THAP4: variants seen among roughly 807,000 people sequenced by gnomAD.
The protein encoded by THAP4 is THAP domain containing 4.
In THAP4, 18 loss-of-function variants were observed where a neutral mutation model predicts 48.1. The ratio of observed to expected loss-of-function variants is 0.37; its 90% CI spans 0.26 to 0.56. THAP4 has a LOEUF of 0.56. THAP4 is among the 20% of genes least tolerant of loss of function. The pLI is 0.78. For synonymous variants in THAP4, 345 were observed against 324.9 expected, an observed-to-expected ratio of 1.06 and a Z score of -0.66; for missense variants, 656 against 774.9, an observed-to-expected ratio of 0.85 and a Z score of 1.82.
chr2:241,590,511 G>C (rs1367459341), intron 5 of THAP4, among the ~76,000 whole-genome samples: 1 of 145,042 alleles, frequency 6.9e-6, no homozygotes, highest in Admixed American at 6.9e-5. Flanking sequence ...ATGGGCACTA[G>C]GACACACAGA....
rs778735125 is a variant in THAP4 at position 241,601,848 on chromosome 2, C to G, written c.1614+48G>C. On this transcript the variant is annotated intron_variant, in intron 5 of 5. Coordinates refer to ENST00000407315, the MANE Select transcript of THAP4 (RefSeq NM_015963.6). The surrounding 1 kb of genome is among the most constrained non-coding windows in gnomAD (Gnocchi z 4.0). Reference sequence around the variant, plus strand: ...AGAGGAAGAGGCTGACTCCACAGACCGCTGCAAACAGAAGACAGGAGCGTG... The same window carrying G: ...AGAGGAAGAGGCTGACTCCACAGACGGCTGCAAACAGAAGACAGGAGCGTG... 1.2e-6 allele frequency: 2 copies of G among 1,609,054 alleles called. No individual in the cohort carries two copies. The highest frequency in any genetic ancestry group is 1.7e-6 in the Non-Finnish European group (2 of 1,178,132).
intron 5 of THAP4, among the ~76,000 whole-genome samples, chr2:241,600,763 A>AT (rs963306864): frequency 4.6e-5 from 7 of 151,318 alleles, no homozygotes; most frequent in African/African-American, 1.7e-4. Context: ...ATGAGAGAAT[A>AT]TTTTTATCAT....
rs776075770 is a variant in THAP4 at position 241,637,048 on chromosome 2, C to A, written c.-31G>T. The A allele has an allele frequency of 8.4e-7, 1 of 1,184,926 alleles. No individual in the cohort carries two copies. The highest frequency in any genetic ancestry group is 1.1e-6 in the Non-Finnish European group (1 of 940,740). 73.4% of individuals were successfully genotyped at this position (1,184,926 alleles called of 1,614,324 possible). A position where few individuals can be genotyped will look rare whatever the true frequency, so the allele number is the denominator to read the frequency against. The stretch of plus-strand genomic sequence containing the variant: ...GCCTTGGCCCAGCCGCGCAGCCAGG[C>A]CCCGGCCCTAGCCGCCCGCCCGCCC... On this transcript the variant is annotated 5_prime_UTR_variant, in exon 1 of 6. Transcript: ENST00000407315.
At chr2:241,588,781 A>C (rs2066921366) in intron 5 of THAP4, among the ~76,000 whole-genome samples, 1 of 152,246 alleles carries the variant, frequency 6.6e-6, no homozygotes, top group Admixed American at 6.5e-5. Context: ...TAGCAATTCC[A>C]AATAGCATAT....
chr2:241,622,086 T>A (rs1050000313), intron 2 of THAP4, among the ~76,000 whole-genome samples: 9 of 152,336 alleles, frequency 5.9e-5, no homozygotes, highest in African/African-American at 1.9e-4. Context: ...AAAGACTTAT[T>A]TACGCGGGCG....
intron 2 of THAP4, among the ~76,000 whole-genome samples, chr2:241,632,313 T>C (rs113378967): frequency 6.3e-4 from 96 of 152,258 alleles, no homozygotes; most frequent in African/African-American, 2.2e-3. Context: ...TTGGCCAGGG[T>C]GGTCTCGAAC....
chr2:241,590,199 G>A (rs2066942585), intron 5 of THAP4, among the ~76,000 whole-genome samples: 1 of 142,224 alleles, frequency 7.0e-6, no homozygotes, highest in Non-Finnish European at 1.5e-5. Flanking sequence ...ATGGGCACTA[G>A]GACACACAGA....
chr2:241,605,752 G>A (rs570961749), intron 3 of THAP4, among the ~76,000 whole-genome samples: 1 of 151,322 alleles, frequency 6.6e-6, no homozygotes, highest in East Asian at 1.9e-4. Flanking sequence ...TTCTCACTCT[G>A]TCACCCAGGC....
At chr2:241,590,294 C>T (rs866960845) in intron 5 of THAP4, among the ~76,000 whole-genome samples, 5 of 148,922 alleles carry the variant, frequency 3.4e-5, no homozygotes, top group African/African-American at 1.3e-4. Flanking sequence ...CAGAGCTGCC[C>T]GGCTGATGAT....
rs181874419 is a variant in THAP4 at position 241,610,139 on chromosome 2, A to G, written c.1241-3666T>C. On this transcript the variant is annotated intron_variant, in intron 2 of 5. Coordinates refer to ENST00000407315, the MANE Select transcript of THAP4 (RefSeq NM_015963.6). This position sits in a 1 kb window ranked among gnomAD's most constrained non-coding sequence, Gnocchi z 4.2. ...CGGCGCCCCCCAGGGTCCCAGTGGA[A>G]CAGGGGCACCAGGGCCGCGGCGCCG... is the stretch of plus-strand genomic sequence containing the variant. 0.015 allele frequency among the ~76,000 whole-genome samples: 2,313 copies of G among 152,238 alleles called. 57 individuals carry two copies. Among genetic ancestry groups the G allele is most frequent in the African/African-American group, 0.053 (2,218 of 41,548 alleles).
intron 2 of THAP4, among the ~76,000 whole-genome samples, chr2:241,620,757 C>T (rs2067420191): frequency 6.6e-6 from 1 of 151,918 alleles, no homozygotes; most frequent in Non-Finnish European, 1.5e-5. Context: ...AGAGGCTACA[C>T]TAAATCGATT....
Position 241,633,652 on chromosome 2 carries a change from G to C in THAP4, c.505C>G (p.Gln169Glu). ...TCTCCTGGAGTCCGTTCCAGAGCTT[G>C]CTGGGCCTGCTCCTGGCTGGCGGCC... ...QEAASQEQAQ[Q>E]ALERTPGDGL... Residue 169 changes from glutamine to glutamate, a missense_variant, in exon 2 of 6, where the codon CAA becomes GAA. By Grantham distance (29) the Gln-to-Glu change is conservative. Transcript: ENST00000407315. This position sits in a 1 kb window ranked among gnomAD's most constrained non-coding sequence, Gnocchi z 7.5. 3 of 1,612,360 alleles carry C rather than the reference G, an allele frequency of 1.9e-6. No individual in the cohort carries two copies. Among genetic ancestry groups the C allele is most frequent in the Non-Finnish European group, 2.5e-6 (3 of 1,179,950 alleles).
intron 3 of THAP4, among the ~76,000 whole-genome samples, chr2:241,604,572 A>G (rs1423645941): frequency 1.3e-5 from 2 of 151,450 alleles, no homozygotes; most frequent in Non-Finnish European, 2.9e-5. Context: ...TAATTTTTGT[A>G]TTTTTGTATT....
At chr2:241,617,592 G>A in intron 2 of THAP4, 2 of 884,040 alleles carry the variant, frequency 2.3e-6, no homozygotes, top group Non-Finnish European at 3.4e-6. Context: ...TCAGAAGAAA[G>A]TAAAAGACAA....
At chr2:241,603,554 G>A (rs934686774) in intron 3 of THAP4, among the ~76,000 whole-genome samples, 3 of 151,926 alleles carry the variant, frequency 2.0e-5, no homozygotes, top group African/African-American at 7.3e-5. Flanking sequence ...CTTGCCTGCT[G>A]ACCCTCAGCT....
intron 5 of THAP4, among the ~76,000 whole-genome samples, chr2:241,589,136 C>T (rs1461406466): frequency 6.7e-6 from 1 of 150,212 alleles, no homozygotes; most frequent in Non-Finnish European, 1.5e-5. Context: ...TCGCTTGAAT[C>T]TGGGAGGTAG....
At chr2:241,637,177 A>T, upstream of THAP4, 1 of 969,946 alleles carries the variant, frequency 1.0e-6, no homozygotes, top group Non-Finnish European at 1.2e-6. Flanking sequence ...AGGCGCCCGC[A>T]GCGGGCCCGC....
chr2:241,608,387 T>C (rs2067216110), intron 2 of THAP4, among the ~76,000 whole-genome samples: 1 of 152,246 alleles, frequency 6.6e-6, no homozygotes, highest in African/African-American at 2.4e-5. Flanking sequence ...CTTTTTTGTT[T>C]TTCTTAAATG....
At chr2:241,607,539 T>C (rs999647203) in intron 2 of THAP4, among the ~76,000 whole-genome samples, 1 of 151,216 alleles carries the variant, frequency 6.6e-6, no homozygotes, top group African/African-American at 2.4e-5. Context: ...AGTGCTTCAA[T>C]TGACAGAACG....
Sources: allele counts gnomAD v4.1 joint callset (sites outside exome capture counted in the v4.1 genomes callset), GRCh38; gene constraint gnomAD v4.1.1; non-coding constraint Gnocchi (gnomAD v3.1); transcripts MANE v1.5; gene names NCBI Gene and HGNC (gene_info 2026-07-23, HGNC 2026-07-21).